Variants in CUX1 observed in about 807,000 individuals in gnomAD.
CUX1 encodes the protein cut like homeobox 1, also known as protein CASP.
Under a neutral mutation model 158.8 loss-of-function variants are expected in CUX1, and 31 were observed. That is an observed-to-expected ratio of 0.20 (90% CI 0.15 to 0.26). The LOEUF is 0.26. Ranked by LOEUF, CUX1 falls within the 10% of genes least tolerant of loss-of-function variation. CUX1 has a pLI of 1.00. For synonymous variants in CUX1, 879 were observed against 862.1 expected (o/e 1.02, Z -0.34); for missense variants, 1,589 against 2,014.6 (o/e 0.79, Z 4.04).
At chr7:101,911,657 G>T (rs536531192) in intron 1 of CUX1, among the ~76,000 whole-genome samples, 2 of 152,360 alleles carry the variant, frequency 1.3e-5, no homozygotes, top group East Asian at 3.9e-4. Context: ...CCTGAGCCTT[G>T]GCCTTGACCT....
intron 1 of CUX1, among the ~76,000 whole-genome samples, chr7:101,847,059 G>A (rs1450065994): frequency 3.3e-5 from 5 of 152,130 alleles, no homozygotes; most frequent in Non-Finnish European, 4.4e-5. Flanking sequence ...TGGGAGGATC[G>A]CTGGAGCCCA....
At chr7:102,007,511 G>A (rs140867868) in intron 2 of CUX1, among the ~76,000 whole-genome samples, 5 of 151,726 alleles carry the variant, frequency 3.3e-5, no homozygotes, top group East Asian at 2.0e-4. Flanking sequence ...TATTTCCCAC[G>A]TGGATTTCTC....
At chr7:102,051,120 G>A (rs1293323938) in intron 3 of CUX1, among the ~76,000 whole-genome samples, 3 of 151,936 alleles carry the variant, frequency 2.0e-5, no homozygotes, top group African/African-American at 4.8e-5. Context: ...CTCACCTCAC[G>A]TATCCCCAGT....
chr7:102,084,872 T>C (rs1827804990), intron 4 of CUX1, among the ~76,000 whole-genome samples: 1 of 145,678 alleles, frequency 6.9e-6, no homozygotes, highest in African/African-American at 2.5e-5. Flanking sequence ...TTTTTTTTTT[T>C]TTTTTTTTTT....
chr7:102,166,427 C>T lies in CUX1; in HGVS notation c.724-4019C>T, dbSNP rs199816735. On this transcript the variant is annotated intron_variant, in intron 9 of 23. Transcript: ENST00000292535. The stretch of plus-strand genomic sequence containing the variant: ...GTCTCTGCAGGGACACAGGAGGAGA[C>T]GGGAGTCCGGCGGTGACCACAGGGA... Among the ~76,000 whole-genome samples the T allele has an allele frequency of 5.3e-5, 8 of 152,246 alleles. No homozygotes were observed. The East Asian group carries it at 5.8e-4, about 11-fold the overall frequency.
chr7:102,124,877 G>T (rs1183393397), intron 8 of CUX1, among the ~76,000 whole-genome samples: 6 of 151,906 alleles, frequency 3.9e-5, no homozygotes, highest in Non-Finnish European at 8.8e-5. Flanking sequence ...CGCCTCCTGG[G>T]TTCAAGCAAT....
Position 102,250,777 on chromosome 7 carries a change from AGT to A in CUX1, c.*1739_*1740del, listed in dbSNP as rs201404840. The A allele has an allele frequency of 2.4e-4, 234 of 985,242 alleles. No homozygotes were observed. Among genetic ancestry groups the A allele is most frequent in the Admixed American group, 1.0e-3 (17 of 16,250 alleles). 61.0% of individuals were successfully genotyped at this position (985,242 alleles called of 1,614,324 possible). On this transcript the variant is annotated 3_prime_UTR_variant, in exon 24 of 24. Coordinates refer to ENST00000292535, the MANE Select transcript of CUX1 (RefSeq NM_181552.4). Reference sequence around the variant, plus strand: ...ATGCGTGAGAATAGAGGCGGGTGAGAGTGTGCGTGCGTGTGCGTGTGTGCAAT... The same window carrying A: ...ATGCGTGAGAATAGAGGCGGGTGAGAGTGCGTGCGTGTGCGTGTGTGCAAT...
chr7:101,888,700 A>G (rs9641280), intron 1 of CUX1, among the ~76,000 whole-genome samples: 6 of 151,998 alleles, frequency 3.9e-5, no homozygotes, highest in African/African-American at 1.2e-4. Context: ...TGTGATTCTC[A>G]TGCCTTAGCC....
At chr7:102,220,775 T>C (rs1396680979) in intron 20 of CUX1, among the ~76,000 whole-genome samples, 1 of 152,094 alleles carries the variant, frequency 6.6e-6, no homozygotes, top group Non-Finnish European at 1.5e-5. Context: ...CCTTGATGTT[T>C]TTTATTTGTG....
intron 1 of CUX1, among the ~76,000 whole-genome samples, chr7:101,915,313 C>T (rs1455635414): frequency 6.6e-6 from 1 of 152,176 alleles, no homozygotes; most frequent in African/African-American, 2.4e-5. Context: ...CACAGGTTCT[C>T]TGGCGCGTTG....
intron 8 of CUX1, among the ~76,000 whole-genome samples, chr7:102,156,345 T>A (rs1310443697): frequency 6.6e-6 from 1 of 152,144 alleles, no homozygotes; most frequent in African/African-American, 2.4e-5. Flanking sequence ...TGGCGAGGGC[T>A]TCCATGCTGC....
rs1801218122 is a variant in CUX1 at position 102,249,276 on chromosome 7, C to T, written c.*234C>T. 1.9e-6 allele frequency: 2 copies of T among 1,051,458 alleles called. No individual in the cohort carries two copies. Among genetic ancestry groups the T allele is most frequent in the Non-Finnish European group, 2.3e-6 (2 of 871,924 alleles). 65.1% of individuals were successfully genotyped at this position (1,051,458 alleles called of 1,614,324 possible). A position where few individuals can be genotyped will look rare whatever the true frequency, so the allele number is the denominator to read the frequency against. On this transcript the variant is annotated 3_prime_UTR_variant, in exon 24 of 24. Coordinates refer to ENST00000292535, the MANE Select transcript of CUX1 (RefSeq NM_181552.4). Reference sequence around the variant, plus strand: ...CACTCTGCGGCCCGGGCCGACCCTGCGGCCTCCACCAACCCCGCGGCCCAG... The same window carrying T: ...CACTCTGCGGCCCGGGCCGACCCTGTGGCCTCCACCAACCCCGCGGCCCAG...
At chr7:102,006,859 C>T (rs977636939) in intron 2 of CUX1, among the ~76,000 whole-genome samples, 4 of 152,218 alleles carry the variant, frequency 2.6e-5, no homozygotes, top group Non-Finnish European at 4.4e-5. Context: ...GCTGGGCGTG[C>T]GAGAGGAGCA....
At chr7:102,111,906 C>T (rs1207863725) in intron 7 of CUX1, 132 bp downstream of exon 7, 2 of 711,448 alleles carry the variant, frequency 2.8e-6, no homozygotes, top group Admixed American at 2.6e-5. Context: ...CGGGAGCCCA[C>T]GCTGAAGAAT....
chr7:102,045,564 G>T (rs201543502), intron 3 of CUX1, among the ~76,000 whole-genome samples: 1 of 149,528 alleles, frequency 6.7e-6, no homozygotes, highest in Non-Finnish European at 1.5e-5. Flanking sequence ...TTGTGATATA[G>T]CAGGAGCTTT....
At chr7:102,105,185 ACAC>A in intron 6 of CUX1, among the ~76,000 whole-genome samples, 1 of 123,614 alleles carries the variant, frequency 8.1e-6, no homozygotes, top group Non-Finnish European at 1.7e-5. Context: ...TTACACACAC[ACAC>A]ACACACACAC....
chr7:102,013,092 T>C (rs1435303426), intron 2 of CUX1, among the ~76,000 whole-genome samples: 2 of 149,782 alleles, frequency 1.3e-5, no homozygotes, highest in Non-Finnish European at 3.0e-5. Flanking sequence ...AAATACTTAC[T>C]AGTTTAAACA....
chr7:102,020,511 G>A (rs1819213242), intron 2 of CUX1, among the ~76,000 whole-genome samples: 1 of 152,150 alleles, frequency 6.6e-6, no homozygotes. Flanking sequence ...TGACATCCAG[G>A]AAAATAAATA....
chr7:102,190,480 C>T (rs562523450), intron 12 of CUX1, among the ~76,000 whole-genome samples: 6 of 152,170 alleles, frequency 3.9e-5, no homozygotes, highest in Non-Finnish European at 7.4e-5. Context: ...CCTGTCCCCC[C>T]ACATCCATAA....
Sources: allele counts gnomAD v4.1 joint callset (sites outside exome capture counted in the v4.1 genomes callset), GRCh38; gene constraint gnomAD v4.1.1; transcripts MANE v1.5; gene names NCBI Gene and HGNC (gene_info 2026-07-23, HGNC 2026-07-21).